ACSM3: variants seen among roughly 807,000 people sequenced by gnomAD.
ACSM3 encodes the protein acyl-CoA synthetase medium chain family member 3.
ACSM3 carries 61 observed loss-of-function variants against 74.1 expected under a neutral mutation model. The observed-to-expected ratio is 0.82, with a 90% CI of 0.67 to 1.02. ACSM3 has a LOEUF of 1.02. Among genes scored for constraint, ACSM3 ranks in the 50% least tolerant of loss-of-function variants. The pLI is 0.00. For missense variants in ACSM3, 660 were observed against 697.0 expected, an observed-to-expected ratio of 0.95 and a Z score of 0.60; for synonymous variants, 213 against 241.5, an observed-to-expected ratio of 0.88 and a Z score of 1.09.
chr16:20,696,021 T>C (rs1353072994), intron 1 of ACSM3, among the ~76,000 whole-genome samples: 2 of 152,214 alleles, frequency 1.3e-5, no homozygotes, highest in Non-Finnish European at 2.9e-5. Context: ...ACCTTTTCTA[T>C]GTTTCAATAC....
chr16:20,773,232 TTC>T (rs1219515853), intron 2 of ACSM3, among the ~76,000 whole-genome samples: 1 of 152,138 alleles, frequency 6.6e-6, no homozygotes, highest in African/African-American at 2.4e-5. Flanking sequence ...CCTTTTTCAT[TTC>T]TGATTTTATT....
chr16:20,741,480 G>A (rs201553668), intron 1 of ACSM3: 10 of 1,340,308 alleles, frequency 7.5e-6, no homozygotes, highest in South Asian at 1.7e-5. Context: ...CCTGGCAGCC[G>A]GCCCGCCCGC....
At chr16:20,737,085 T>C (rs749181272) in intron 1 of ACSM3, 2 of 1,614,104 alleles carry the variant, frequency 1.2e-6, no homozygotes. Context: ...CAGTTTAGCT[T>C]CTTTCCCATT....
At chr16:20,684,258 C>T (rs2079506759) in intron 1 of ACSM3, among the ~76,000 whole-genome samples, 1 of 152,180 alleles carries the variant, frequency 6.6e-6, no homozygotes, top group African/African-American at 2.4e-5. Context: ...AGAATCATCA[C>T]TAGGTACTCA....
intron 13 of ACSM3, 101 bp downstream of exon 13, chr16:20,796,590 CACATGTCCCAA>C: frequency 6.4e-7 from 1 of 1,565,860 alleles, no homozygotes; most frequent in Admixed American, 2.0e-5. Context: ...CATGCTGCAC[CACATGTCCCAA>C]ACTGAACTGA....
At chr16:20,752,212 C>G (rs887272690) in intron 2 of ACSM3, among the ~76,000 whole-genome samples, 1 of 152,000 alleles carries the variant, frequency 6.6e-6, no homozygotes, top group African/African-American at 2.4e-5. Context: ...AGTGGTCATT[C>G]TCTTCTACTC....
At position 20,725,061 on chromosome 16, in the gene ACSM3, C is replaced by T. The variant is rs557229882; in HGVS notation, c.-189-24849C>T. Among the ~76,000 whole-genome samples the T allele has an allele frequency of 6.3e-4, 96 of 152,244 alleles. 1 individual carries two copies. The highest frequency in any genetic ancestry group is 2.1e-3 in the African/African-American group (89 of 41,536). ...AAGTTTATATGGAACCAAAAAAGAG[C>T]CCGCATTGCCAAGTCAATCCTAAGC... is the stretch of plus-strand genomic sequence containing the variant. On this transcript the variant is annotated intron_variant, in intron 1 of 3. Transcript: ENST00000561584.
intron 2 of ACSM3, among the ~76,000 whole-genome samples, chr16:20,771,589 G>A (rs2080194997): frequency 6.6e-6 from 1 of 151,994 alleles, no homozygotes; most frequent in African/African-American, 2.4e-5. Context: ...TGGCTGAATA[G>A]TATTGCACTG....
chr16:20,704,802 C>T (rs2152364028), intron 1 of ACSM3, among the ~76,000 whole-genome samples: 1 of 152,146 alleles, frequency 6.6e-6, no homozygotes, highest in Admixed American at 6.5e-5. Context: ...GAAAGTATAG[C>T]CAACTAAAGC....
chr16:20,702,764 G>C (rs2079717090), intron 1 of ACSM3: 1 of 152,148 alleles, frequency 6.6e-6, no homozygotes. Context: ...TCTGTAGGTT[G>C]CCTGTTCACT....
intron 1 of ACSM3, among the ~76,000 whole-genome samples, chr16:20,740,913 A>G (rs930926626): frequency 6.6e-6 from 1 of 152,218 alleles, no homozygotes; most frequent in African/African-American, 2.4e-5. Context: ...GGCTGTCATG[A>G]AAAATGTGTT....
At chr16:20,743,439 T>C (rs1474259061) in intron 1 of ACSM3, among the ~76,000 whole-genome samples, 3 of 152,192 alleles carry the variant, frequency 2.0e-5, no homozygotes, top group Non-Finnish European at 4.4e-5. Context: ...CATGTTACTG[T>C]CTTTTTAAAA....
intron 1 of ACSM3, among the ~76,000 whole-genome samples, chr16:20,716,027 T>C (rs1047233167): frequency 4.4e-5 from 6 of 136,858 alleles, no homozygotes; most frequent in African/African-American, 1.6e-4. Context: ...CTAAACATCT[T>C]TATATGGTGG....
intron 1 of ACSM3, among the ~76,000 whole-genome samples, chr16:20,675,689 C>T (rs2020236795): frequency 6.6e-6 from 1 of 152,154 alleles, no homozygotes; most frequent in African/African-American, 2.4e-5. Context: ...GATGGCTGAC[C>T]AATGGCACTA....
chr16:20,716,833 C>T (rs1383567215), intron 1 of ACSM3, among the ~76,000 whole-genome samples: 1 of 152,140 alleles, frequency 6.6e-6, no homozygotes, highest in Non-Finnish European at 1.5e-5. Flanking sequence ...CGCCGGACTT[C>T]GTAGCCCCCA....
chr16:20,758,389 C>G (rs566770194), intron 3 of ACSM3, among the ~76,000 whole-genome samples: 2 of 152,296 alleles, frequency 1.3e-5, no homozygotes, highest in East Asian at 3.9e-4. Flanking sequence ...AGGAATTTCT[C>G]CATTTCTTCT....
chr16:20,693,581 G>T (rs2079674481), intron 1 of ACSM3, among the ~76,000 whole-genome samples: 2 of 152,170 alleles, frequency 1.3e-5, no homozygotes, highest in Non-Finnish European at 2.9e-5. Context: ...ATAGACAATA[G>T]AACTAGTAAT....
chr16:20,688,645 A>C (rs910745015), intron 1 of ACSM3, among the ~76,000 whole-genome samples: 1 of 152,254 alleles, frequency 6.6e-6, no homozygotes, highest in African/African-American at 2.4e-5. Context: ...AAGAAAAAAA[A>C]AGCCAACCAA....
chr16:20,766,796 C>A (rs2152451775), intron 1 of ACSM3, among the ~76,000 whole-genome samples: 2 of 152,238 alleles, frequency 1.3e-5, no homozygotes, highest in African/African-American at 4.8e-5. Context: ...ATGAAGATCT[C>A]TGCGCACTGG....
Sources: allele counts gnomAD v4.1 joint callset (sites outside exome capture counted in the v4.1 genomes callset), GRCh38; gene constraint gnomAD v4.1.1; transcripts MANE v1.5; gene names NCBI Gene and HGNC (gene_info 2026-07-23, HGNC 2026-07-21).